Variants in BANP observed in about 807,000 individuals in gnomAD.
The protein encoded by BANP is protein BANP.
Under a neutral mutation model 68.1 loss-of-function variants are expected in BANP, and 11 were observed. The observed-to-expected ratio is 0.16, with a 90% confidence interval of 0.10 to 0.27. BANP has a LOEUF of 0.27. Among genes scored for constraint, BANP ranks in the 10% least tolerant of loss-of-function variants. The pLI, the probability that BANP is intolerant of heterozygous loss-of-function variation, is 1.00. For synonymous variants in BANP, 329 were observed against 303.2 expected, an observed-to-expected ratio of 1.09 and a Z score of -0.88; for missense variants, 504 against 722.7, an observed-to-expected ratio of 0.70 and a Z score of 3.47.
At chr16:88,075,880 G>T (rs1344697280) in intron 13 of BANP, among the ~76,000 whole-genome samples, 1 of 151,108 alleles carries the variant, frequency 6.6e-6, no homozygotes, top group South Asian at 2.1e-4. Context: ...CCTAGCAGCT[G>T]GGACTACAGG....
chr16:88,001,766 T>C (rs1170453911), intron 4 of BANP, among the ~76,000 whole-genome samples: 1 of 152,218 alleles, frequency 6.6e-6, no homozygotes, highest in Admixed American at 6.5e-5. Context: ...TATGTCACTT[T>C]TCTTTTCTTT....
chr16:87,972,265 C>T (rs921344403), intron 1 of BANP, among the ~76,000 whole-genome samples: 6 of 151,962 alleles, frequency 3.9e-5, no homozygotes, highest in Non-Finnish European at 8.8e-5. Flanking sequence ...TAAGGTTCTT[C>T]TAGTTTAATC....
At chr16:88,044,431 G>A (rs1284422617) in intron 11 of BANP, among the ~76,000 whole-genome samples, 2 of 152,204 alleles carry the variant, frequency 1.3e-5, no homozygotes, top group African/African-American at 4.8e-5. Flanking sequence ...TCCACAGAAC[G>A]GTATTACTGC....
At chr16:87,995,918 C>T (rs966958939) in intron 4 of BANP, among the ~76,000 whole-genome samples, 7 of 152,234 alleles carry the variant, frequency 4.6e-5, no homozygotes, top group Non-Finnish European at 1.0e-4. Flanking sequence ...GCCCGGGGTG[C>T]GCTTCTCACT....
At chr16:88,028,447 G>A (rs1327507257) in intron 8 of BANP, among the ~76,000 whole-genome samples, 2 of 152,240 alleles carry the variant, frequency 1.3e-5, no homozygotes, top group African/African-American at 4.8e-5. Context: ...CGGACTTCAG[G>A]AAGTGGTTTT....
At chr16:87,983,607 A>T (rs2063720524) in intron 3 of BANP, among the ~76,000 whole-genome samples, 1 of 152,050 alleles carries the variant, frequency 6.6e-6, no homozygotes, top group Non-Finnish European at 1.5e-5. Context: ...AGTCAGGGCC[A>T]CAGGGGGTCC....
chr16:87,970,154 G>T (rs565191042), intron 1 of BANP: 1 of 152,338 alleles, frequency 6.6e-6, no homozygotes, highest in Non-Finnish European at 1.5e-5. Flanking sequence ...GCCTTCCAAA[G>T]TGCTGGGATG....
At chr16:88,027,185 A>T (rs1209737058) in intron 7 of BANP, among the ~76,000 whole-genome samples, 2 of 152,206 alleles carry the variant, frequency 1.3e-5, no homozygotes, top group African/African-American at 4.8e-5. Flanking sequence ...GAGAGCCCCA[A>T]GTGTGCACCT....
chr16:87,998,081 C>T lies in BANP; in HGVS notation c.363-6214C>T, dbSNP rs117479376. 5.9e-5 allele frequency among the ~76,000 whole-genome samples: 9 copies of T among 152,272 alleles called. No individual in the cohort carries two copies. In the East Asian group the frequency reaches 1.4e-3, roughly 23 times the overall value. ...AGCAGCAGCATGTGAACCAGCGGGT[C>T]GAGAGGCATTTCCCTCCAAAATGGG... On this transcript the variant is annotated intron_variant, in intron 4 of 13. Coordinates refer to ENST00000682872, the MANE Select transcript of BANP (RefSeq NM_001386991.1).
At chr16:88,069,405 T>C (rs1384889969) in intron 12 of BANP, among the ~76,000 whole-genome samples, 1 of 152,242 alleles carries the variant, frequency 6.6e-6, no homozygotes, top group African/African-American at 2.4e-5. Context: ...CTGTATCTTC[T>C]AAGGACTTTG....
At chr16:87,987,969 G>T (rs1479355004) in intron 4 of BANP, among the ~76,000 whole-genome samples, 3 of 151,984 alleles carry the variant, frequency 2.0e-5, no homozygotes, top group African/African-American at 7.2e-5. Flanking sequence ...TTGCCATGTT[G>T]TACAGGCTGG....
rs925142568 is a variant in BANP, at chr16:88,057,178, TGTG to T, written c.1312-8084_1312-8082del. 3.3e-4 allele frequency among the ~76,000 whole-genome samples: 50 copies of T among 152,268 alleles called. No homozygotes were observed. Among genetic ancestry groups the T allele is most frequent in the South Asian group, 1.2e-3 (6 of 4,826 alleles). On this transcript the variant is annotated intron_variant, in intron 11 of 13. Coordinates refer to ENST00000682872, the MANE Select transcript of BANP (RefSeq NM_001386991.1). The surrounding 1 kb of genome is among the most constrained non-coding windows in gnomAD (Gnocchi z 4.6). ...TTTCTGGTGGGCGGGCCTGCCGTGT[TGTG>T]GTGGGGAGCGACTTCACACAGCTGG... is the stretch of plus-strand genomic sequence containing the variant.
At chr16:88,014,174 G>A (rs1374270346) in intron 6 of BANP, among the ~76,000 whole-genome samples, 2 of 152,222 alleles carry the variant, frequency 1.3e-5, no homozygotes, top group Non-Finnish European at 2.9e-5. Flanking sequence ...CACTGGTTGT[G>A]GAGGGAGGGC....
intron 7 of BANP, among the ~76,000 whole-genome samples, chr16:88,024,444 T>C (rs1390318604): frequency 1.3e-5 from 2 of 152,166 alleles, no homozygotes; most frequent in Admixed American, 6.5e-5. Context: ...AAGTGGAAAA[T>C]GGCAGTTAAA....
chr16:88,059,185 C>T (rs1359585502), intron 11 of BANP, among the ~76,000 whole-genome samples: 4 of 107,134 alleles, frequency 3.7e-5, no homozygotes, highest in Admixed American at 1.3e-4. Flanking sequence ...CTGCTGGTGG[C>T]GGGGCATGAC....
intron 7 of BANP, among the ~76,000 whole-genome samples, chr16:88,019,017 C>A (rs188300663): frequency 1.1e-5 from 1 of 90,100 alleles, no homozygotes. Flanking sequence ...GTCCTGGCCA[C>A]GCTGACCCAG....
intron 1 of BANP, chr16:87,966,694 T>C (rs1445378276): frequency 2.6e-5 from 4 of 152,336 alleles, no homozygotes; most frequent in Admixed American, 6.5e-5. Flanking sequence ...GAATTGGGCA[T>C]TTAAAACTAT....
chr16:87,995,202 T>C (rs2066861650), intron 4 of BANP, among the ~76,000 whole-genome samples: 1 of 152,234 alleles, frequency 6.6e-6, no homozygotes, highest in African/African-American at 2.4e-5. Context: ...AGTCTGGATG[T>C]GCGGGGGCTC....
intron 11 of BANP, among the ~76,000 whole-genome samples, chr16:88,050,950 G>T (rs1228893916): frequency 1.2e-4 from 19 of 152,218 alleles, no homozygotes; most frequent in Admixed American, 1.2e-3. Context: ...GCCTCCCAAA[G>T]TGCTAGGATT....
Sources: gnomAD v4.1 joint callset for allele counts (sites outside exome capture counted in the v4.1 genomes callset) on GRCh38, gnomAD v4.1.1 for gene constraint, Gnocchi (gnomAD v3.1) non-coding constraint, MANE v1.5 for transcripts, NCBI Gene and HGNC (gene_info 2026-07-23, HGNC 2026-07-21) for gene names.